The following MB21D2 variants were observed in gnomAD, a reference collection of about 807,000 sequenced individuals.
MB21D2 encodes the protein nucleotidyltransferase MB21D2.
MB21D2 carries 9 observed loss-of-function variants against 33.3 expected under a neutral mutation model. The ratio of observed to expected loss-of-function variants is 0.27; its 90% CI spans 0.16 to 0.47. The LOEUF is 0.47. MB21D2 is among the 20% of genes least tolerant of loss of function. MB21D2 has a pLI of 0.99. For missense variants in MB21D2, 540 were observed against 624.6 expected (o/e 0.86, Z 1.44); for synonymous variants, 241 against 236.3 (o/e 1.02, Z -0.18).
intron 1 of MB21D2, among the ~76,000 whole-genome samples, chr3:192,841,946 G>C (rs1712582762): frequency 6.6e-6 from 1 of 152,014 alleles, no homozygotes; most frequent in Admixed American, 6.6e-5. Flanking sequence ...GGGGTGAGAG[G>C]GTTTCAGAAA....
At chr3:192,890,733 T>G (rs1713835194) in intron 1 of MB21D2, among the ~76,000 whole-genome samples, 1 of 151,934 alleles carries the variant, frequency 6.6e-6, no homozygotes, top group South Asian at 2.1e-4. Flanking sequence ...CAAACAAATT[T>G]CGGCAAAAAT....
chr3:192,865,204 C>T (rs1713143991), intron 1 of MB21D2, among the ~76,000 whole-genome samples: 1 of 152,188 alleles, frequency 6.6e-6, no homozygotes, highest in South Asian at 2.1e-4. Context: ...TTCCACCCTT[C>T]CAGAACACTC....
intron 1 of MB21D2, among the ~76,000 whole-genome samples, chr3:192,841,862 G>A (rs1712579575): frequency 6.6e-6 from 1 of 152,238 alleles, no homozygotes; most frequent in South Asian, 2.1e-4. Flanking sequence ...AACATGTTTT[G>A]AAGGAAGGAT....
At chr3:192,804,283 C>A (rs1198243839) in intron 1 of MB21D2, among the ~76,000 whole-genome samples, 2 of 152,086 alleles carry the variant, frequency 1.3e-5, no homozygotes, top group African/African-American at 4.8e-5. Flanking sequence ...TGCCAGATTG[C>A]TAATACTAGA....
chr3:192,798,651 C>T lies in MB21D2; in HGVS notation c.1211G>A (p.Arg404His), dbSNP rs765862209. 7.4e-6 allele frequency: 12 copies of T among 1,613,560 alleles called. No individual in the cohort carries two copies. Among genetic ancestry groups the T allele is most frequent in the East Asian group, 4.5e-5 (2 of 44,870 alleles). ...GCGCAAGTGCTCTGCCGGGTCTGAG[C>T]GCACAGAGGACAGCTTCCGGGCGTG... ...MLHARKLSSVRSDPAEHLRTA... is the reference protein window; with the variant it reads ...MLHARKLSSVHSDPAEHLRTA... The change falls in exon 2 of 2, where the codon CGC (arginine) becomes CAC (histidine). Residue 404 changes from arginine to histidine, a missense_variant. Coordinates refer to ENST00000392452, the MANE Select transcript of MB21D2 (RefSeq NM_178496.4). The surrounding 1 kb of genome is among the most constrained non-coding windows in gnomAD (Gnocchi z 4.8).
chr3:192,874,929 G>C (rs185343634), intron 1 of MB21D2, among the ~76,000 whole-genome samples: 1 of 152,040 alleles, frequency 6.6e-6, no homozygotes, highest in African/African-American at 2.4e-5. Flanking sequence ...GTTAGGTCTA[G>C]GGGTGCTTTA....
At position 192,907,854 on chromosome 3, in the gene MB21D2, A is replaced by G. The variant is rs1714246015; in HGVS notation, c.211+9776T>C. 2.0e-5 allele frequency among the ~76,000 whole-genome samples: 3 copies of G among 152,196 alleles called. 1 individual carries two copies. The South Asian group carries it at 6.2e-4, about 32-fold the overall frequency. ...GAAAGATAACGTGTGCCCACTGTGC[A>G]TTCTGAAAAGCCCTGAGTATGGGCA... On this transcript the variant is annotated intron_variant, in intron 1 of 1. Coordinates refer to ENST00000392452, the MANE Select transcript of MB21D2 (RefSeq NM_178496.4).
At chr3:192,909,728 C>G (rs938568397) in intron 1 of MB21D2, among the ~76,000 whole-genome samples, 1 of 151,800 alleles carries the variant, frequency 6.6e-6, no homozygotes, top group African/African-American at 2.4e-5. Context: ...GTCAGGAGTT[C>G]AAGACCAGCC....
intron 1 of MB21D2, among the ~76,000 whole-genome samples, chr3:192,885,447 C>A (rs1273913810): frequency 2.0e-5 from 3 of 152,076 alleles, no homozygotes; most frequent in African/African-American, 7.3e-5. Flanking sequence ...TTATCACACC[C>A]TCTAGGCAAG....
At chr3:192,886,435 A>G (rs1339803408) in intron 1 of MB21D2, among the ~76,000 whole-genome samples, 10 of 152,144 alleles carry the variant, frequency 6.6e-5, no homozygotes, top group African/African-American at 2.4e-4. Context: ...CAGAATTAAT[A>G]CCACGAGTAC....
At position 192,844,481 on chromosome 3, in the gene MB21D2, CT is replaced by C. The variant is rs370595122; in HGVS notation, c.212-44832del. 4.2e-3 allele frequency among the ~76,000 whole-genome samples: 640 copies of C among 152,328 alleles called. 5 individuals are homozygous for C. Among genetic ancestry groups the C allele is most frequent in the African/African-American group, 0.014 (589 of 41,560 alleles). ...CCACTGCTGTGCTCTTTAGCTTCCC[CT>C]GTCCCTTCCTTTCACCAACTTATAA... On this transcript the variant is annotated intron_variant, in intron 1 of 1. Coordinates refer to ENST00000392452, the MANE Select transcript of MB21D2 (RefSeq NM_178496.4).
intron 1 of MB21D2, among the ~76,000 whole-genome samples, chr3:192,901,447 A>G (rs940923407): frequency 1.0e-4 from 15 of 148,364 alleles, no homozygotes; most frequent in Middle Eastern, 3.5e-3. Context: ...CTTTATTGCC[A>G]GAAAGCCTTG....
Position 192,798,696 on chromosome 3 carries a change from G to C in MB21D2, c.1166C>G (p.Ser389Cys). 6.2e-7 allele frequency: 1 copy of C among 1,613,388 alleles called. No homozygotes were observed. The highest frequency in any genetic ancestry group is 8.5e-7 in the Non-Finnish European group (1 of 1,180,028). ...GGCGTGAAGCATGACTGTCTCCTCA[G>C]ACAGATGTTCCAGCATGTTGCACTG... ...IPQCNMLEHLSEETVMLHARK... is the reference protein window; with the variant it reads ...IPQCNMLEHLCEETVMLHARK... The change falls in exon 2 of 2, where the codon TCT becomes TGT. Residue 389 changes from serine (S) to cysteine (C), a missense_variant. Transcript: ENST00000392452. The surrounding 1 kb of genome is among the most constrained non-coding windows in gnomAD (Gnocchi z 4.8).
At chr3:192,806,349 G>A (rs1248405217) in intron 1 of MB21D2, among the ~76,000 whole-genome samples, 1 of 152,154 alleles carries the variant, frequency 6.6e-6, no homozygotes, top group Non-Finnish European at 1.5e-5. Flanking sequence ...TGACCTTGTG[G>A]AATCCACTTA....
intron 1 of MB21D2, among the ~76,000 whole-genome samples, chr3:192,901,565 T>C (rs7633006): frequency 0.53 from 80,009 of 151,540 alleles, 21,275 homozygotes; most frequent in Non-Finnish European, 0.54. Flanking sequence ...CAATTGTATC[T>C]CATCCAATGA....
chr3:192,851,669 ATT>A (rs35907656), intron 1 of MB21D2, among the ~76,000 whole-genome samples: 3 of 149,622 alleles, frequency 2.0e-5, no homozygotes, highest in African/African-American at 4.9e-5. Flanking sequence ...TAATTTTTGT[ATT>A]TTTTTTTTAG....
intron 1 of MB21D2, among the ~76,000 whole-genome samples, chr3:192,811,771 G>C (rs1711792375): frequency 6.6e-6 from 1 of 152,048 alleles, no homozygotes; most frequent in Non-Finnish European, 1.5e-5. Context: ...GAGAACAATG[G>C]GGATTAAGGT....
At chr3:192,855,742 C>T (rs1315030849) in intron 1 of MB21D2, among the ~76,000 whole-genome samples, 3 of 152,194 alleles carry the variant, frequency 2.0e-5, no homozygotes, top group Admixed American at 2.0e-4. Flanking sequence ...CTACCTCCTC[C>T]ATTTACAGGA....
intron 1 of MB21D2, among the ~76,000 whole-genome samples, chr3:192,810,724 T>C (rs577003032): frequency 5.1e-4 from 77 of 152,340 alleles, no homozygotes; most frequent in African/African-American, 1.8e-3. Context: ...AGACAACCTA[T>C]CATTTTACCC....
Sources: gnomAD v4.1 joint callset for allele counts (sites outside exome capture counted in the v4.1 genomes callset) on GRCh38, gnomAD v4.1.1 for gene constraint, Gnocchi (gnomAD v3.1) non-coding constraint, MANE v1.5 for transcripts, NCBI Gene and HGNC (gene_info 2026-07-23, HGNC 2026-07-21) for gene names.